The following SFXN4 variants were observed in gnomAD, a reference collection of about 807,000 sequenced individuals.
SFXN4 encodes sideroflexin 4.
SFXN4 carries 48 observed loss-of-function variants against 54.6 expected under a neutral mutation model. The observed-to-expected ratio is 0.88, with a 90% confidence interval of 0.70 to 1.12. SFXN4 has a LOEUF of 1.12. SFXN4 is among the 50% of genes most tolerant of loss of function. The probability of loss-of-function intolerance (pLI) is 0.00; values close to 1 mark genes in which losing one functional copy is unlikely to be tolerated. For missense variants in SFXN4, 383 were observed against 409.2 expected, an observed-to-expected ratio of 0.94 and a Z score of 0.55; for synonymous variants, 130 against 145.5, an observed-to-expected ratio of 0.89 and a Z score of 0.77.
chr10:119,146,991 C>T (rs1413872106), intron 12 of SFXN4, among the ~76,000 whole-genome samples: 3 of 152,320 alleles, frequency 2.0e-5, no homozygotes, highest in South Asian at 4.1e-4. Context: ...AGAATCCTTC[C>T]CCAGGAGTCT....
intron 6 of SFXN4, among the ~76,000 whole-genome samples, chr10:119,159,419 C>T (rs1272386571): frequency 6.6e-6 from 1 of 152,196 alleles, no homozygotes; most frequent in Non-Finnish European, 1.5e-5. Flanking sequence ...GTGCAGGGAG[C>T]TCATCCTAAC....
intron 1 of SFXN4, 73 bp downstream of exon 1, chr10:119,165,464 C>T (rs1847730757): frequency 2.1e-6 from 3 of 1,437,422 alleles, no homozygotes; most frequent in African/African-American, 3.0e-5. Flanking sequence ...CCAAGGTCAC[C>T]CGGGTCAGCC....
In SFXN4 at chr10:119,158,157, C is replaced by G. The variant is rs557035083; in HGVS notation, c.361-95G>C. Reference sequence around the variant, plus strand: ...TTTCCAGGGGAGAGGGAGAATTGAGCCCCCAAGGAGCTGGGGCAGGAGAGG... The same window carrying G: ...TTTCCAGGGGAGAGGGAGAATTGAGGCCCCAAGGAGCTGGGGCAGGAGAGG... On this transcript the variant is annotated intron_variant, in intron 6 of 13. Transcript: ENST00000355697. 1.6e-4 allele frequency: 196 copies of G among 1,190,158 alleles called. 3 individuals are homozygous for G. In the South Asian group the frequency reaches 2.3e-3, roughly 14 times the overall value. The allele number at this position is 1,190,158 out of a possible 1,614,324, so 73.7% of individuals were successfully genotyped here.
chr10:119,150,373 C>A (rs1395050439), intron 11 of SFXN4, among the ~76,000 whole-genome samples: 2 of 152,048 alleles, frequency 1.3e-5, no homozygotes, highest in Non-Finnish European at 1.5e-5. Context: ...GTGCTGGGAA[C>A]AACTTGCTCA....
intron 2 of SFXN4, 109 bp downstream of exon 2, chr10:119,164,022 A>C: frequency 1.3e-6 from 1 of 757,514 alleles, no homozygotes. Flanking sequence ...CCTGGGCAAG[A>C]AGAACGAAAC....
intron 13 of SFXN4, among the ~76,000 whole-genome samples, chr10:119,143,463 G>A (rs553909622): frequency 6.6e-6 from 1 of 151,996 alleles, no homozygotes; most frequent in South Asian, 2.1e-4. Flanking sequence ...AGCTGCCTGA[G>A]TAGCTAGGAC....
At chr10:119,155,956 A>C (rs1847263663) in intron 10 of SFXN4, among the ~76,000 whole-genome samples, 1 of 152,090 alleles carries the variant, frequency 6.6e-6, no homozygotes, top group African/African-American at 2.4e-5. Context: ...CTGTCACCCC[A>C]CTGGGTTGGA....
At chr10:119,144,457 A>G (rs1433206021) in intron 13 of SFXN4, among the ~76,000 whole-genome samples, 1 of 147,348 alleles carries the variant, frequency 6.8e-6, no homozygotes, top group Non-Finnish European at 1.5e-5. Flanking sequence ...ACTCCGTCTC[A>G]AAAAAAAAAA....
Position 119,164,061 on chromosome 10 carries a change from A to G in SFXN4, c.177+70T>C, listed in dbSNP as rs1847663802. ...GTCTCAAAAAAAAAAAAAAAAAAAA[A>G]AAAGGGACACACAGACTTCAAGTTT... On this transcript the variant is annotated intron_variant, in intron 2 of 13. Transcript: ENST00000355697. 7.8e-6 allele frequency: 7 copies of G among 892,798 alleles called. No homozygotes were observed. In the South Asian group the frequency reaches 1.0e-4, roughly 13 times the overall value. The allele number at this position is 892,798 out of a possible 1,614,324, so 55.3% of individuals were successfully genotyped here. A position where few individuals can be genotyped will look rare whatever the true frequency, so the allele number is the denominator to read the frequency against.
At chr10:119,146,189 C>G in intron 13 of SFXN4, 47 bp downstream of exon 13, 1 of 1,042,682 alleles carries the variant, frequency 9.6e-7, no homozygotes, top group Non-Finnish European at 1.5e-6. Flanking sequence ...ATTCTTCTAA[C>G]TGCAAAATAA....
chr10:119,152,724 T>C (rs911598522), intron 11 of SFXN4, among the ~76,000 whole-genome samples: 2 of 151,894 alleles, frequency 1.3e-5, no homozygotes, highest in Non-Finnish European at 2.9e-5. Flanking sequence ...GCTTTGTCAG[T>C]CAGTGATAGG....
At chr10:119,163,025 T>TA (rs1044448015) in intron 2 of SFXN4, among the ~76,000 whole-genome samples, 2 of 152,188 alleles carry the variant, frequency 1.3e-5, no homozygotes, top group Admixed American at 6.5e-5. Context: ...CTCAAATTCT[T>TA]ATTCTCGAGA....
chr10:119,162,291 G>A, intron 3 of SFXN4, 49 bp downstream of exon 3: 1 of 1,471,124 alleles, frequency 6.8e-7, no homozygotes, highest in Non-Finnish European at 9.5e-7. Context: ...GACCATGCAG[G>A]CAGAACCATC....
chr10:119,157,935 G>C lies in SFXN4; in HGVS notation c.415-8C>G, dbSNP rs749544937. 6 of 1,614,120 alleles carry C rather than the reference G, an allele frequency of 3.7e-6. No individual in the cohort carries two copies. In the African/African-American group the frequency reaches 6.7e-5, roughly 18 times the overall value. ...GTAGGCACAGAGGAAAACCTGCCGAGAGGGGCAAATGGATCGCATTTTCGT... is the reference window on the plus strand; with the variant it reads ...GTAGGCACAGAGGAAAACCTGCCGACAGGGGCAAATGGATCGCATTTTCGT... On this transcript the variant is annotated splice_polypyrimidine_tract_variant and splice_region_variant and intron_variant, in intron 7 of 13. Coordinates refer to ENST00000355697, the MANE Select transcript of SFXN4 (RefSeq NM_213649.2).
At chr10:119,141,403 G>T in intron 13 of SFXN4, 84 bp from the exon 14 acceptor site, 2 of 755,108 alleles carry the variant, frequency 2.6e-6, no homozygotes, top group Non-Finnish European at 2.1e-6. Context: ...TTTTCTGAAA[G>T]CAACCATTTC....
chr10:119,148,038 G>A (rs1382507186), intron 11 of SFXN4, among the ~76,000 whole-genome samples, 178 bp from the exon 12 acceptor site: 1 of 152,122 alleles, frequency 6.6e-6, no homozygotes, highest in African/African-American at 2.4e-5. Context: ...CCGGTGTGGT[G>A]TTATGCACCT....
chr10:119,159,462 C>T (rs1270250503), intron 6 of SFXN4, among the ~76,000 whole-genome samples: 1 of 152,044 alleles, frequency 6.6e-6, no homozygotes, highest in Non-Finnish European at 1.5e-5. Context: ...TCTGCGCATA[C>T]TTGGTGTTCA....
At chr10:119,162,481 G>A in intron 2 of SFXN4, 67 bp from the exon 3 acceptor site, 2 of 1,350,106 alleles carry the variant, frequency 1.5e-6, no homozygotes, top group South Asian at 2.4e-5. Flanking sequence ...CCAGAGGTAG[G>A]AATCACCAGC....
In SFXN4 at chr10:119,144,204, A is replaced by C. The variant is rs181357791; in HGVS notation, c.936+2032T>G. On this transcript the variant is annotated intron_variant, in intron 13 of 13. Coordinates refer to ENST00000355697, the MANE Select transcript of SFXN4 (RefSeq NM_213649.2). The stretch of plus-strand genomic sequence containing the variant: ...GGGCGTGGTGGCTCACGCCTGTAAT[A>C]CCAGCACTTTGGGAGGCCGAGGCGG... Among the ~76,000 whole-genome samples, 788 of 152,218 alleles carry C rather than the reference A, an allele frequency of 5.2e-3. 11 individuals are homozygous for C. Among genetic ancestry groups the C allele is most frequent in the South Asian group, 0.018 (87 of 4,826 alleles).
Sources: gnomAD v4.1 joint callset for allele counts (sites outside exome capture counted in the v4.1 genomes callset) on GRCh38, gnomAD v4.1.1 for gene constraint, MANE v1.5 for transcripts, NCBI Gene and HGNC (gene_info 2026-07-23, HGNC 2026-07-21) for gene names.